ASB14: variants seen among roughly 807,000 people sequenced by gnomAD.
ASB14 encodes ankyrin repeat and SOCS box protein 14.
Under a neutral mutation model 55.6 loss-of-function variants are expected in ASB14, and 63 were observed. That is an observed-to-expected ratio of 1.13 (90% CI 0.92 to 1.40). The LOEUF is 1.40. Ranked by LOEUF, ASB14 falls within the 40% of genes most tolerant of loss-of-function variation. The probability of loss-of-function intolerance (pLI) is 0.00; values close to 1 mark genes in which losing one functional copy is unlikely to be tolerated. For missense variants in ASB14, 724 were observed against 710.4 expected (o/e 1.02, Z -0.22); for synonymous variants, 256 against 259.9 (o/e 0.98, Z 0.15).
intron 2 of ASB14, among the ~76,000 whole-genome samples, chr3:57,289,582 A>C (rs1473994819): frequency 6.6e-6 from 1 of 152,182 alleles, no homozygotes; most frequent in Non-Finnish European, 1.5e-5. Flanking sequence ...GTGTGCTCAG[A>C]AATACTATTA....
At position 57,276,672 on chromosome 3, in the gene ASB14, G is replaced by A. The variant is rs1294592137; in HGVS notation, c.1642C>T (p.Arg548Trp). The A allele has an allele frequency of 8.6e-5, 138 of 1,613,884 alleles. 2 individuals carry two copies. In the Admixed American group the frequency reaches 2.1e-3, roughly 24 times the overall value. ...AAGACAGGGCAGCGCAAATGTAACC[G>A]TCCCATGCATTTCCGGATCTTTAGG... ...CRLKIRKCMGRLHLRCPVFMS... is the reference protein window; with the variant it reads ...CRLKIRKCMGWLHLRCPVFMS... The change falls in exon 10 of 11, where the codon CGG becomes TGG. Residue 548 changes from arginine to tryptophan, a missense_variant. By Grantham distance (101) the Arg-to-Trp change is moderately radical. Transcript: ENST00000487349.
At chr3:57,284,284 G>T (rs1275212839) in intron 5 of ASB14, among the ~76,000 whole-genome samples, 3 of 151,970 alleles carry the variant, frequency 2.0e-5, no homozygotes, top group African/African-American at 7.3e-5. Flanking sequence ...ATGCCACCAT[G>T]CCTGGCTAAT....
chr3:57,288,014 G>T lies in ASB14; in HGVS notation c.356C>A (p.Thr119Lys), dbSNP rs374233584. 1 of 1,537,334 alleles carries T rather than the reference G, an allele frequency of 6.5e-7. No homozygotes were observed. The highest frequency in any genetic ancestry group is 1.2e-5 in the South Asian group (1 of 84,060). ...LWEQTTHNGE[T>K]PLFLAVSSCL... ...ACTGCTGACAGCCAAAAAAAGTGGC[G>T]TTTCACCATTGTGAGTGGTTTGCTC... The change falls in exon 5 of 11, where the codon ACG becomes AAG. Residue 119 changes from threonine to lysine, a missense_variant. Transcript: ENST00000487349.
At chr3:57,276,825 C>T in intron 9 of ASB14, 97 bp from the exon 10 acceptor site, 1 of 1,192,610 alleles carries the variant, frequency 8.4e-7, no homozygotes, top group Non-Finnish European at 1.2e-6. Flanking sequence ...ATTTCATTTG[C>T]TGTTACTAAA....
At chr3:57,284,800 G>A (rs913202407) in intron 5 of ASB14, among the ~76,000 whole-genome samples, 6 of 152,128 alleles carry the variant, frequency 3.9e-5, no homozygotes, top group East Asian at 1.9e-4. Context: ...TGGTTTATGC[G>A]TGCTTTCTCA....
At chr3:57,276,386 A>G (rs2060987013) in intron 10 of ASB14, 142 bp downstream of exon 10, 2 of 593,330 alleles carry the variant, frequency 3.4e-6, no homozygotes, top group Non-Finnish European at 2.8e-6. Flanking sequence ...CCCAAGGTGA[A>G]GCAATCCTCC....
intron 10 of ASB14, chr3:57,270,923 A>G (rs1230556409): frequency 1.3e-5 from 2 of 152,174 alleles, no homozygotes. Context: ...ACATTTCTCT[A>G]CTGCCTATTG....
chr3:57,278,637 G>A lies in ASB14; in HGVS notation c.1171C>T (p.Gln391Ter), dbSNP rs1163631209. Residue 391 changes from glutamine to a stop codon, truncating the protein, a stop_gained, in exon 8 of 11, where the codon CAG becomes TAG. Transcript: ENST00000487349. LOFTEE classifies it high-confidence loss of function. ...LPNQDPVNCLQIALRMGNYEL... is the reference protein window; with the variant it reads ...LPNQDPVNCL ...TAGTTGCCCATCCTGAGGGCTATCT[G>A]GAGGCAGTTAACCGGGTCTTGATTA... is the stretch of plus-strand genomic sequence containing the variant. 6.2e-7 allele frequency: 1 copy of A among 1,614,220 alleles called. No individual in the cohort carries two copies. The highest frequency in any genetic ancestry group is 1.1e-5 in the South Asian group (1 of 91,080).
chr3:57,278,349 G>A, intron 8 of ASB14, 28 bp downstream of exon 8: 1 of 1,559,866 alleles, frequency 6.4e-7, no homozygotes, highest in East Asian at 2.3e-5. Flanking sequence ...ATGACTGTAA[G>A]GGAATACAGC....
At position 57,277,793 on chromosome 3, in the gene ASB14, ATCCCCTGTTT is replaced by A; in HGVS notation, c.1549_1558del (p.Lys517SerfsTer9). 1 of 1,612,564 alleles carries A rather than the reference ATCCCCTGTTT, an allele frequency of 6.2e-7. No homozygotes were observed. The highest frequency in any genetic ancestry group is 1.1e-5 in the South Asian group (1 of 90,568). On this transcript the variant is annotated frameshift_variant, in exon 9 of 11. Coordinates refer to ENST00000487349, the MANE Select transcript of ASB14 (RefSeq NM_001142733.3). LOFTEE classifies it high-confidence loss of function. ...TAAGATAAAATGTATTTCTGACCAGATCCCCTGTTTTTGGAGCACAGCTTTCAACTTTGAA... is the reference window on the plus strand; with the variant it reads ...TAAGATAAAATGTATTTCTGACCAGATTGGAGCACAGCTTTCAACTTTGAA...
chr3:57,292,220 A>T, intron 1 of ASB14, 116 bp from the exon 2 acceptor site: 2 of 745,616 alleles, frequency 2.7e-6, no homozygotes, highest in Non-Finnish European at 3.8e-6. Flanking sequence ...TAAACTTAAA[A>T]AAGTTTTGTG....
chr3:57,284,409 G>A lies in ASB14; in HGVS notation c.470-970C>T, dbSNP rs377140613. Among the ~76,000 whole-genome samples the A allele has an allele frequency of 1.4e-4, 22 of 152,246 alleles. No individual in the cohort carries two copies. The East Asian group carries it at 2.3e-3, about 16-fold the overall frequency. ...CCTCCCAAAGGCTGGGATTACTGGC[G>A]TGAGCCACTAATCTCAGCCAGCACT... is the stretch of plus-strand genomic sequence containing the variant. On this transcript the variant is annotated intron_variant, in intron 5 of 10. Coordinates refer to ENST00000487349, the MANE Select transcript of ASB14 (RefSeq NM_001142733.3).
intron 10 of ASB14, chr3:57,269,869 T>TC (rs1193759344): frequency 6.0e-6 from 4 of 662,302 alleles, no homozygotes; most frequent in East Asian, 2.9e-5. Flanking sequence ...TGATCTTTTT[T>TC]CCCCCTTAAA....
chr3:57,278,601 TGATCA>T lies in ASB14; in HGVS notation c.1202_1206del (p.Leu401GlnfsTer17). The T allele has an allele frequency of 6.2e-7, 1 of 1,614,246 alleles. No individual in the cohort carries two copies. The highest frequency in any genetic ancestry group is 8.5e-7 in the Non-Finnish European group (1 of 1,180,038). ...TTGGCCCCATGCCTTAGCAGCAGAC[TGATCA>T]GCTCATAGTTGCCCATCCTGAGGGC... On this transcript the variant is annotated frameshift_variant, in exon 8 of 11. Coordinates refer to ENST00000487349, the MANE Select transcript of ASB14 (RefSeq NM_001142733.3). LOFTEE classifies it high-confidence loss of function.
intron 10 of ASB14, chr3:57,272,357 T>C (rs1459280172): frequency 6.6e-6 from 1 of 152,172 alleles, no homozygotes; most frequent in African/African-American, 2.4e-5. Context: ...GCAATGATTA[T>C]TGTTTAATTT....
intron 10 of ASB14, among the ~76,000 whole-genome samples, chr3:57,275,550 T>C (rs1432123672): frequency 6.6e-6 from 1 of 152,102 alleles, no homozygotes; most frequent in Non-Finnish European, 1.5e-5. Context: ...ATGAAGTCTC[T>C]CACCATCCTG....
In ASB14 at chr3:57,276,663, AATGT is replaced by A; in HGVS notation, c.1647_1650del (p.Leu549PhefsTer17). On this transcript the variant is annotated frameshift_variant, in exon 10 of 11. Transcript: ENST00000487349. LOFTEE classifies it high-confidence loss of function. ...AATGACATGAAGACAGGGCAGCGCA[AATGT>A]AACCGTCCCATGCATTTCCGGATCT... is the stretch of plus-strand genomic sequence containing the variant. 6.2e-7 allele frequency: 1 copy of A among 1,614,100 alleles called. No individual in the cohort carries two copies. Among genetic ancestry groups the A allele is most frequent in the Non-Finnish European group, 8.5e-7 (1 of 1,179,962 alleles).
In ASB14 at chr3:57,288,166, A is replaced by G; in HGVS notation, c.299T>C (p.Ile100Thr). The G allele has an allele frequency of 6.5e-6, 10 of 1,537,106 alleles. No individual in the cohort carries two copies. Among genetic ancestry groups the G allele is most frequent in the Non-Finnish European group, 7.8e-6 (9 of 1,146,742 alleles). The change falls in exon 4 of 11, where the codon ATA (isoleucine) becomes ACA (threonine). Residue 100 changes from isoleucine (I) to threonine (T), a missense_variant. Transcript: ENST00000487349. ...AVQLNRKILE[I>T]TLSASDPSLW... ...CAAAGGGAATTTACCGCTTAGGGTT[A>G]TTTCCAAAATTTTCCTATTTAATTG...
chr3:57,291,023 C>G (rs2061124173), intron 2 of ASB14, among the ~76,000 whole-genome samples: 1 of 152,110 alleles, frequency 6.6e-6, no homozygotes, highest in Non-Finnish European at 1.5e-5. Context: ...CCTCACTTTC[C>G]TCCTCTCTAA....
Sources: gnomAD v4.1 joint callset for allele counts (sites outside exome capture counted in the v4.1 genomes callset) on GRCh38, gnomAD v4.1.1 for gene constraint, MANE v1.5 for transcripts, NCBI Gene and HGNC (gene_info 2026-07-23, HGNC 2026-07-21) for gene names.